GALNTL6: variants seen among roughly 807,000 people sequenced by gnomAD.
The protein encoded by GALNTL6 is polypeptide N-acetylgalactosaminyltransferase like 6.
A neutral mutation model predicts 73.7 loss-of-function variants in GALNTL6; 46 were observed. The ratio of observed to expected loss-of-function variants is 0.62; its 90% CI spans 0.49 to 0.80. The LOEUF (loss-of-function observed/expected upper bound fraction) is 0.80, where lower values mean the gene tolerates loss of function less well. Among genes scored for constraint, GALNTL6 ranks in the 30% least tolerant of loss-of-function variants. The pLI, the probability that GALNTL6 is intolerant of heterozygous loss-of-function variation, is 0.00. For missense variants in GALNTL6, 604 were observed against 755.0 expected, an observed-to-expected ratio of 0.80 and a Z score of 2.34; for synonymous variants, 259 against 263.7, an observed-to-expected ratio of 0.98 and a Z score of 0.17.
chr4:172,287,599 C>G (rs922794772), intron 3 of GALNTL6, among the ~76,000 whole-genome samples: 12 of 152,064 alleles, frequency 7.9e-5, no homozygotes, highest in African/African-American at 2.9e-4. Flanking sequence ...TCTTTCAGAC[C>G]AGGGAGGGCT....
chr4:173,015,717 T>C (rs992146361), intron 11 of GALNTL6, among the ~76,000 whole-genome samples: 44 of 152,214 alleles, frequency 2.9e-4, no homozygotes, highest in South Asian at 4.2e-4. Context: ...TTTGGAAAAT[T>C]TGCAGCCTAA....
chr4:172,860,840 C>T (rs982423722), intron 7 of GALNTL6, among the ~76,000 whole-genome samples: 43 of 152,280 alleles, frequency 2.8e-4, no homozygotes, highest in African/African-American at 1.0e-3. Flanking sequence ...GTGATTTTTA[C>T]ACTGCTACTT....
chr4:172,364,147 T>C (rs1291811761), intron 5 of GALNTL6, among the ~76,000 whole-genome samples: 3 of 152,188 alleles, frequency 2.0e-5, no homozygotes, highest in Non-Finnish European at 4.4e-5. Flanking sequence ...GGACTGGGCA[T>C]GGTAGCTCAT....
intron 10 of GALNTL6, among the ~76,000 whole-genome samples, chr4:172,954,002 A>G (rs917664195): frequency 2.0e-5 from 3 of 152,150 alleles, no homozygotes; most frequent in African/African-American, 7.2e-5. Context: ...TTTTATGTAT[A>G]AGGTTCTGTT....
At chr4:172,628,733 T>C (rs2111089035) in intron 5 of GALNTL6, among the ~76,000 whole-genome samples, 1 of 152,290 alleles carries the variant, frequency 6.6e-6, no homozygotes, top group East Asian at 1.9e-4. Context: ...TTGTTGCAGA[T>C]AGTGACTTCC....
At chr4:171,969,323 T>G (rs1055736911) in intron 2 of GALNTL6, among the ~76,000 whole-genome samples, 6 of 152,228 alleles carry the variant, frequency 3.9e-5, no homozygotes, top group African/African-American at 1.4e-4. Context: ...GTGTTTGCAC[T>G]ATGGCAAACA....
chr4:172,289,704 T>G (rs1739395648), intron 3 of GALNTL6, among the ~76,000 whole-genome samples: 1 of 152,282 alleles, frequency 6.6e-6, no homozygotes, highest in African/African-American at 2.4e-5. Context: ...GCCCATCTAT[T>G]TGATGCTGGC....
chr4:172,583,673 G>A (rs1384979392), intron 5 of GALNTL6, among the ~76,000 whole-genome samples: 1 of 151,928 alleles, frequency 6.6e-6, no homozygotes, highest in African/African-American at 2.4e-5. Flanking sequence ...AGGTCGAGGC[G>A]GGTGGATCAC....
intron 5 of GALNTL6, among the ~76,000 whole-genome samples, chr4:172,403,686 T>G (rs1251904496): frequency 6.6e-6 from 1 of 152,012 alleles, no homozygotes; most frequent in Non-Finnish European, 1.5e-5. Context: ...TATACACATA[T>G]ATTACTTTTT....
chr4:172,013,513 A>G (rs1157026331), intron 2 of GALNTL6, among the ~76,000 whole-genome samples: 1 of 151,972 alleles, frequency 6.6e-6, no homozygotes, highest in Non-Finnish European at 1.5e-5. Flanking sequence ...AAGATTAACT[A>G]GTATATAAAT....
chr4:171,900,423 T>C (rs1263587878), intron 2 of GALNTL6, among the ~76,000 whole-genome samples: 3 of 151,952 alleles, frequency 2.0e-5, no homozygotes, highest in African/African-American at 7.3e-5. Flanking sequence ...TTTTCCTGCC[T>C]CAGCTTCCCA....
intron 2 of GALNTL6, among the ~76,000 whole-genome samples, chr4:172,115,740 AGC>A (rs1192193346): frequency 6.6e-6 from 1 of 152,124 alleles, no homozygotes; most frequent in African/African-American, 2.4e-5. Context: ...TGGAACAGTA[AGC>A]CTGAAGTAAA....
chr4:172,476,289 C>T (rs907990349), intron 5 of GALNTL6, among the ~76,000 whole-genome samples: 4 of 152,202 alleles, frequency 2.6e-5, no homozygotes, highest in Non-Finnish European at 5.9e-5. Flanking sequence ...AAGGCAGTTT[C>T]CTGAGGCCTC....
intron 5 of GALNTL6, among the ~76,000 whole-genome samples, chr4:172,713,983 G>A (rs886334609): frequency 5.3e-5 from 8 of 152,158 alleles, no homozygotes; most frequent in Non-Finnish European, 1.2e-4. Context: ...TTGGGAGGCT[G>A]AGGCAGATGG....
intron 2 of GALNTL6, among the ~76,000 whole-genome samples, chr4:172,213,325 T>C (rs1042096259): frequency 6.6e-6 from 1 of 152,196 alleles, no homozygotes; most frequent in Non-Finnish European, 1.5e-5. Flanking sequence ...TACTGAATTG[T>C]ATGAAACTGC....
intron 5 of GALNTL6, among the ~76,000 whole-genome samples, chr4:172,366,181 A>G (rs916391374): frequency 2.6e-5 from 4 of 151,742 alleles, no homozygotes. Flanking sequence ...TAGTTTTCTG[A>G]TACATTTTTT....
intron 5 of GALNTL6, among the ~76,000 whole-genome samples, chr4:172,750,451 AT>A (rs1449651156): frequency 6.6e-6 from 1 of 152,190 alleles, no homozygotes; most frequent in African/African-American, 2.4e-5. Context: ...TGCCAACATT[AT>A]TGTCCAGAGT....
rs1735131799 is a variant in GALNTL6 at position 171,837,656 on chromosome 4, T to A, written c.138+22938T>A. ...TTTATATAATATATTAATAATAAAT[T>A]AATAATTAATATATAAATATATTAT... On this transcript the variant is annotated intron_variant, in intron 2 of 12. Coordinates refer to ENST00000506823, the MANE Select transcript of GALNTL6 (RefSeq NM_001034845.3). 2.0e-5 allele frequency among the ~76,000 whole-genome samples: 3 copies of A among 147,100 alleles called. No homozygotes were observed. The South Asian group carries it at 6.3e-4, about 31-fold the overall frequency.
intron 7 of GALNTL6, among the ~76,000 whole-genome samples, chr4:172,876,671 T>C (rs1221295815): frequency 6.6e-6 from 1 of 152,252 alleles, no homozygotes; most frequent in African/African-American, 2.4e-5. Flanking sequence ...CGTGACACCA[T>C]AAAAAGTAAA....
Sources: gnomAD v4.1 joint callset for allele counts (sites outside exome capture counted in the v4.1 genomes callset) on GRCh38, gnomAD v4.1.1 for gene constraint, MANE v1.5 for transcripts, NCBI Gene and HGNC (gene_info 2026-07-23, HGNC 2026-07-21) for gene names.